HECTD4: variants seen among roughly 807,000 people sequenced by gnomAD.
HECTD4 encodes the protein HECT domain E3 ubiquitin protein ligase 4, also known as probable E3 ubiquitin-protein ligase HECTD4.
A neutral mutation model predicts 471.5 loss-of-function variants in HECTD4; 114 were observed. That is an observed-to-expected ratio of 0.24 (90% confidence interval 0.21 to 0.28). The LOEUF (loss-of-function observed/expected upper bound fraction) is 0.28, where lower values mean the gene tolerates loss of function less well. Ranked by LOEUF, HECTD4 falls within the 10% of genes least tolerant of loss-of-function variation. The probability of loss-of-function intolerance (pLI) is 1.00; values close to 1 mark genes in which losing one functional copy is unlikely to be tolerated. For missense variants in HECTD4, 3,866 were observed against 5,651.5 expected (o/e 0.68, Z 10.13); for synonymous variants, 2,012 against 2,256.0 (o/e 0.89, Z 3.07).
intron 1 of HECTD4, among the ~76,000 whole-genome samples, chr12:112,346,388 T>G (rs2036150933): frequency 6.6e-6 from 1 of 152,214 alleles, no homozygotes; most frequent in Admixed American, 6.5e-5. Flanking sequence ...TTCCTTTTCT[T>G]TCCCTCCCCT....
In HECTD4 at chr12:112,163,697, G is replaced by A. The variant is rs1363208698; in HGVS notation, c.12742C>T (p.Leu4248=). The A allele has an allele frequency of 6.6e-7, 1 of 1,511,978 alleles. No homozygotes were observed. Among genetic ancestry groups the A allele is most frequent in the South Asian group, 1.3e-5 (1 of 78,284 alleles). The allele number at this position is 1,511,978 out of a possible 1,614,324, so 93.7% of individuals were successfully genotyped here. A position where few individuals can be genotyped will look rare whatever the true frequency, so the allele number is the denominator to read the frequency against. ...ACATTCTGCAGCTCCCGCAGCCGCA[G>A]GCTCCGGATGGCTGCCGCGTAGATG... is the stretch of plus-strand genomic sequence containing the variant. The part of the protein sequence containing the change: ...KDIYAAAIRS[L]RLRELQNVEC... The change falls in exon 74 of 76, where the codon CTG becomes TTG. Residue 4248 remains leucine (L), a synonymous_variant. Transcript: ENST00000682272. The surrounding 1 kb of genome is among the most constrained non-coding windows in gnomAD (Gnocchi z 8.2).
chr12:112,322,921 C>A, intron 1 of HECTD4: 1 of 158,450 alleles, frequency 6.3e-6, no homozygotes, highest in Non-Finnish European at 1.4e-5. Flanking sequence ...CCTTGGAGAA[C>A]GAACAGAAGC....
intron 10 of HECTD4, 82 bp from the exon 11 acceptor site, chr12:112,273,877 G>A: frequency 1.3e-6 from 2 of 1,482,416 alleles, no homozygotes; most frequent in Admixed American, 1.8e-5. Flanking sequence ...GCTACAAAGT[G>A]GAAGGGCAAG....
At position 112,200,671 on chromosome 12, in the gene HECTD4, A is replaced by G; in HGVS notation, c.8534T>C (p.Val2845Ala). ...TTGAAGGTTGGTATTGTCCAGTGTGACCAGCCCATTGGTGGCAGTCCTTCG... is the reference window on the plus strand; with the variant it reads ...TTGAAGGTTGGTATTGTCCAGTGTGGCCAGCCCATTGGTGGCAGTCCTTCG... ...GYRRTATNGL[V>A]TLDNTNLQIH... Residue 2845 changes from valine (V) to alanine (A), a missense_variant, in exon 55 of 76, where the codon GTC becomes GCC. By Grantham distance (64) the Val-to-Ala change is moderately conservative. Transcript: ENST00000682272. The G allele has an allele frequency of 6.2e-7, 1 of 1,613,934 alleles. No homozygotes were observed.
intron 46 of HECTD4, 31 bp downstream of exon 46, chr12:112,217,003 G>A: frequency 1.3e-6 from 2 of 1,594,634 alleles, no homozygotes; most frequent in East Asian, 2.3e-5. Flanking sequence ...ATCTGAAGAT[G>A]CAAAAGACAG....
At chr12:112,322,739 A>T (rs1489206703) in intron 1 of HECTD4, 1 of 152,896 alleles carries the variant, frequency 6.5e-6, no homozygotes, top group African/African-American at 2.4e-5. Flanking sequence ...TACTGATGTC[A>T]AGACAACCAC....
rs554002118 is a variant in HECTD4, at chr12:112,205,050, T to C, written c.8132-427A>G. On this transcript the variant is annotated intron_variant, in intron 52 of 75. Coordinates refer to ENST00000682272, the MANE Select transcript of HECTD4 (RefSeq NM_001388303.1). ...CGGGAGGTTGAGGCAGGAGAATTGCTTGAACCCAGGAGACAGAGGTTGCAG... is the reference window on the plus strand; with the variant it reads ...CGGGAGGTTGAGGCAGGAGAATTGCCTGAACCCAGGAGACAGAGGTTGCAG... Among the ~76,000 whole-genome samples, 6 of 150,296 alleles carry C rather than the reference T, an allele frequency of 4.0e-5. No homozygotes were observed. The East Asian group carries it at 1.2e-3, about 30-fold the overall frequency.
intron 39 of HECTD4, chr12:112,231,253 C>T (rs1192868992): frequency 3.8e-6 from 2 of 530,806 alleles, no homozygotes; most frequent in Non-Finnish European, 6.8e-6. Flanking sequence ...ATTAATACTA[C>T]TCAAAAGAAT....
chr12:112,250,481 G>T, intron 24 of HECTD4, 104 bp from the exon 25 acceptor site: 1 of 810,318 alleles, frequency 1.2e-6, no homozygotes, highest in Non-Finnish European at 2.0e-6. Context: ...ATCACATTCT[G>T]TGTTAAGTAA....
chr12:112,370,671 G>C (rs1037777276), intron 1 of HECTD4, among the ~76,000 whole-genome samples: 2 of 152,038 alleles, frequency 1.3e-5, no homozygotes, highest in African/African-American at 2.4e-5. Context: ...CACTAATTTA[G>C]CCAGGGCAAG....
intron 55 of HECTD4, among the ~76,000 whole-genome samples, chr12:112,199,791 G>C (rs1830753818): frequency 6.6e-6 from 1 of 152,192 alleles, no homozygotes; most frequent in African/African-American, 2.4e-5. Flanking sequence ...ACAGCGAAAG[G>C]AGCTTACACT....
chr12:112,186,539 C>T (rs1035950886), intron 60 of HECTD4, among the ~76,000 whole-genome samples: 1 of 150,978 alleles, frequency 6.6e-6, no homozygotes, highest in African/African-American at 2.4e-5. Flanking sequence ...GTTTCACCAT[C>T]TTGGCCAGGC....
intron 8 of HECTD4, among the ~76,000 whole-genome samples, chr12:112,280,629 A>G (rs2034616944): frequency 6.6e-6 from 1 of 152,120 alleles, no homozygotes. Context: ...AAGGACATAA[A>G]TTCAAGAAGA....
intron 38 of HECTD4, among the ~76,000 whole-genome samples, chr12:112,232,234 G>A (rs987619962): frequency 6.6e-5 from 10 of 152,064 alleles, no homozygotes; most frequent in Non-Finnish European, 1.5e-4. Context: ...AGGTTCAAGC[G>A]ATTCTCCTGC....
chr12:112,380,063 C>T (rs2135775663), intron 1 of HECTD4, among the ~76,000 whole-genome samples: 1 of 152,288 alleles, frequency 6.6e-6, no homozygotes, highest in Admixed American at 6.5e-5. Flanking sequence ...TTTAACTAAT[C>T]CTACTCTTTC....
At chr12:112,312,621 AG>A (rs1374115410) in intron 4 of HECTD4, among the ~76,000 whole-genome samples, 1 of 152,200 alleles carries the variant, frequency 6.6e-6, no homozygotes, top group Non-Finnish European at 1.5e-5. Flanking sequence ...TTAGGACAGG[AG>A]GGCTCATTAA....
chr12:112,167,111 C>T (rs1027590383), intron 72 of HECTD4: 102 of 492,098 alleles, frequency 2.1e-4, no homozygotes, highest in Non-Finnish European at 3.2e-4. Context: ...CATGTCACCT[C>T]CAATCTCTGC....
Position 112,256,383 on chromosome 12 carries a change from TG to T in HECTD4, c.3263del (p.Pro1088GlnfsTer24). The T allele has an allele frequency of 6.2e-7, 1 of 1,612,642 alleles. No individual in the cohort carries two copies. Among genetic ancestry groups the T allele is most frequent in the Non-Finnish European group, 8.5e-7 (1 of 1,179,284 alleles). ...ATCTAAGGTACAGGCAGCGAGCTCC[TG>T]GGATATGGACCGTTTCTTTAAATTT... ...NYKFKETVHI[P>X]GARCLYLRFD... On this transcript the variant is annotated frameshift_variant, in exon 21 of 76. Transcript: ENST00000682272. LOFTEE classifies it high-confidence loss of function.
intron 1 of HECTD4, among the ~76,000 whole-genome samples, chr12:112,351,001 G>C (rs2036239750): frequency 6.6e-6 from 1 of 152,184 alleles, no homozygotes; most frequent in South Asian, 2.1e-4. Context: ...GTGAATGGCA[G>C]CATACATCAT....
Sources: allele counts gnomAD v4.1 joint callset (sites outside exome capture counted in the v4.1 genomes callset), GRCh38; gene constraint gnomAD v4.1.1; non-coding constraint Gnocchi (gnomAD v3.1); transcripts MANE v1.5; gene names NCBI Gene and HGNC (gene_info 2026-07-23, HGNC 2026-07-21).